The following PRKAG2 variants were observed in gnomAD, a reference collection of about 807,000 sequenced individuals.
PRKAG2 encodes the protein protein kinase AMP-activated non-catalytic subunit gamma 2.
A neutral mutation model predicts 69.6 loss-of-function variants in PRKAG2; 26 were observed. The observed-to-expected ratio is 0.37, with a 90% CI of 0.27 to 0.52. PRKAG2 has a LOEUF of 0.52. Among genes scored for constraint, PRKAG2 ranks in the 20% least tolerant of loss-of-function variants. PRKAG2 has a pLI of 0.90. For missense variants in PRKAG2, 557 were observed against 740.0 expected, an observed-to-expected ratio of 0.75 and a Z score of 2.87; for synonymous variants, 293 against 285.0, an observed-to-expected ratio of 1.03 and a Z score of -0.28.
intron 1 of PRKAG2, among the ~76,000 whole-genome samples, chr7:151,789,568 G>A (rs1476785466): frequency 7.1e-6 from 1 of 140,246 alleles, no homozygotes; most frequent in Non-Finnish European, 1.5e-5. Context: ...CCCTGCTAAG[G>A]CCCCAGCCAC....
chr7:151,852,473 C>T (rs980059795), intron 1 of PRKAG2, among the ~76,000 whole-genome samples: 4 of 152,048 alleles, frequency 2.6e-5, no homozygotes, highest in African/African-American at 4.8e-5. Context: ...CCAGCCTGGG[C>T]GACAGAGTGA....
intron 4 of PRKAG2, among the ~76,000 whole-genome samples, chr7:151,672,055 C>T (rs1832122729): frequency 6.7e-6 from 1 of 148,874 alleles, no homozygotes; most frequent in Admixed American, 6.7e-5. Context: ...GAGTTTCACT[C>T]TTGTTGCCCT....
chr7:151,579,315 C>A (rs768138116), intron 6 of PRKAG2, among the ~76,000 whole-genome samples: 2 of 152,218 alleles, frequency 1.3e-5, no homozygotes, highest in Admixed American at 1.3e-4. Context: ...AGCCACTGCA[C>A]CTGGCCAGGG....
intron 3 of PRKAG2, among the ~76,000 whole-genome samples, chr7:151,690,952 T>A (rs1048107567): frequency 2.0e-5 from 3 of 152,254 alleles, no homozygotes; most frequent in Non-Finnish European, 2.9e-5. Flanking sequence ...GAAAGATTTG[T>A]GGAGCTTGCT....
intron 4 of PRKAG2, among the ~76,000 whole-genome samples, chr7:151,667,192 G>A (rs958310791): frequency 5.3e-5 from 8 of 152,198 alleles, no homozygotes; most frequent in East Asian, 1.9e-4. Flanking sequence ...TGTTGAGACT[G>A]CATTGCATCA....
At position 151,691,969 on chromosome 7, in the gene PRKAG2, T is replaced by C. The variant is rs1490622973; in HGVS notation, c.467-16332A>G. The stretch of plus-strand genomic sequence containing the variant: ...TGGGAGGTTGAAGCAGGAGGATCAT[T>C]TGAAGCCAGGAGTTCAAGACCAGCC... On this transcript the variant is annotated intron_variant, in intron 3 of 15. Transcript: ENST00000287878. Among the ~76,000 whole-genome samples the C allele has an allele frequency of 2.6e-5, 4 of 152,118 alleles. No homozygotes were observed. The South Asian group carries it at 8.3e-4, about 32-fold the overall frequency.
intron 1 of PRKAG2, among the ~76,000 whole-genome samples, chr7:151,853,097 C>T (rs949862575): frequency 2.6e-5 from 4 of 152,142 alleles, no homozygotes; most frequent in East Asian, 1.9e-4. Context: ...CTGTGTCCCT[C>T]GGAGAGCTCG....
chr7:151,708,879 G>A (rs1839063920), intron 3 of PRKAG2, among the ~76,000 whole-genome samples: 1 of 152,140 alleles, frequency 6.6e-6, no homozygotes, highest in African/African-American at 2.4e-5. Flanking sequence ...GTTCAGCTCG[G>A]GGCACCCATG....
intron 1 of PRKAG2, among the ~76,000 whole-genome samples, chr7:151,842,734 AGTAGTGATGGTAGGTAGTGATGG>A (rs1406627051): frequency 1.1e-4 from 16 of 147,794 alleles, no homozygotes; most frequent in Non-Finnish European, 2.4e-4. Flanking sequence ...TGGTTGTGAT[AGTAGTGATGGTAGGTAGTGATGG>A]GTAGTGATGG....
intron 3 of PRKAG2, among the ~76,000 whole-genome samples, chr7:151,705,342 C>CA: frequency 6.6e-6 from 1 of 152,082 alleles, no homozygotes; most frequent in Non-Finnish European, 1.5e-5. Context: ...TCTCTTTTCT[C>CA]AATCGGGTTG....
At chr7:151,648,996 T>G (rs1828023156) in intron 4 of PRKAG2, among the ~76,000 whole-genome samples, 1 of 152,188 alleles carries the variant, frequency 6.6e-6, no homozygotes, top group African/African-American at 2.4e-5. Context: ...GACGTAGTCA[T>G]TCATATGGGA....
chr7:151,623,429 G>C (rs1822024208), intron 5 of PRKAG2, among the ~76,000 whole-genome samples: 1 of 142,040 alleles, frequency 7.0e-6, no homozygotes, highest in African/African-American at 2.6e-5. Flanking sequence ...CCTTGCTTGT[G>C]CAGTTCACAA....
intron 1 of PRKAG2, among the ~76,000 whole-genome samples, chr7:151,801,435 G>A (rs1414757242): frequency 6.6e-6 from 1 of 152,158 alleles, no homozygotes; most frequent in Non-Finnish European, 1.5e-5. Context: ...CTGGGGCAAT[G>A]AGGACCAAGT....
chr7:151,675,215 C>T (rs1358868324), intron 4 of PRKAG2: 8 of 637,388 alleles, frequency 1.3e-5, no homozygotes, highest in Non-Finnish European at 2.3e-5. Flanking sequence ...GCCACCGCAC[C>T]CAGCTATTTT....
rs960283137 is a variant in PRKAG2 at position 151,583,875 on chromosome 7, A to G, written c.865-7423T>C. On this transcript the variant is annotated intron_variant, in intron 6 of 15. Transcript: ENST00000287878. The surrounding 1 kb of genome is among the most constrained non-coding windows in gnomAD (Gnocchi z 4.1). ...GTTTTTAGAATAGTGAGCAGGCCCGAGCTGCTCTAAGAGACTCTGGCAGTC... is the reference window on the plus strand; with the variant it reads ...GTTTTTAGAATAGTGAGCAGGCCCGGGCTGCTCTAAGAGACTCTGGCAGTC... 2.6e-5 allele frequency among the ~76,000 whole-genome samples: 4 copies of G among 152,186 alleles called. No individual in the cohort carries two copies. The highest frequency in any genetic ancestry group is 5.9e-5 in the Non-Finnish European group (4 of 68,038).
At chr7:151,666,369 T>A (rs1831047314) in intron 4 of PRKAG2, among the ~76,000 whole-genome samples, 1 of 152,198 alleles carries the variant, frequency 6.6e-6, no homozygotes, top group African/African-American at 2.4e-5. Flanking sequence ...GATGCCTCTG[T>A]AAGCCAAGGA....
intron 1 of PRKAG2, among the ~76,000 whole-genome samples, chr7:151,853,940 GAAAA>G (rs1405474327): frequency 1.3e-5 from 2 of 151,772 alleles, no homozygotes; most frequent in South Asian, 4.2e-4. Context: ...GCTTCCCACC[GAAAA>G]ACCAAAAACA....
chr7:151,697,575 C>T (rs1836898439), intron 3 of PRKAG2, among the ~76,000 whole-genome samples: 1 of 152,118 alleles, frequency 6.6e-6, no homozygotes, highest in Admixed American at 6.5e-5. Context: ...GATGCCCAAC[C>T]CTCATAAGGT....
chr7:151,790,091 C>T (rs2077203689), intron 1 of PRKAG2, among the ~76,000 whole-genome samples: 1 of 152,120 alleles, frequency 6.6e-6, no homozygotes, highest in African/African-American at 2.4e-5. Flanking sequence ...TCTCATTTTG[C>T]TTCAGCCACT....
Sources: allele counts gnomAD v4.1 joint callset (sites outside exome capture counted in the v4.1 genomes callset), GRCh38; gene constraint gnomAD v4.1.1; non-coding constraint Gnocchi (gnomAD v3.1); transcripts MANE v1.5; gene names NCBI Gene and HGNC (gene_info 2026-07-23, HGNC 2026-07-21).